CAMK2D: variants seen among roughly 807,000 people sequenced by gnomAD.
CAMK2D encodes calcium/calmodulin-dependent protein kinase type II subunit delta.
CAMK2D carries 37 observed loss-of-function variants against 84.0 expected under a neutral mutation model. The observed-to-expected ratio is 0.44, with a 90% CI of 0.34 to 0.58. The LOEUF is 0.58. Ranked by LOEUF, CAMK2D falls within the 20% of genes least tolerant of loss-of-function variation. The probability of loss-of-function intolerance (pLI) is 0.02; values close to 1 mark genes in which losing one functional copy is unlikely to be tolerated. For missense variants in CAMK2D, 448 were observed against 652.5 expected (o/e 0.69, Z 3.41); for synonymous variants, 202 against 212.5 (o/e 0.95, Z 0.43).
intron 2 of CAMK2D, among the ~76,000 whole-genome samples, chr4:113,672,829 ATAC>A (rs1281611349): frequency 2.6e-5 from 4 of 152,178 alleles, no homozygotes; most frequent in Non-Finnish European, 4.4e-5. Context: ...ATGAAAAAAA[ATAC>A]TACTGAGTCA....
chr4:113,522,328 T>C (rs2098371202), intron 8 of CAMK2D, among the ~76,000 whole-genome samples: 1 of 152,172 alleles, frequency 6.6e-6, no homozygotes, highest in Admixed American at 6.5e-5. Context: ...ATAAGCAAAA[T>C]GCATGTGGAA....
intron 5 of CAMK2D, among the ~76,000 whole-genome samples, chr4:113,549,149 A>C (rs1414477510): frequency 6.6e-6 from 1 of 152,206 alleles, no homozygotes; most frequent in African/African-American, 2.4e-5. Context: ...GTCACAATTA[A>C]ACAGGTGTTG....
chr4:113,621,043 A>G (rs2099043980), intron 3 of CAMK2D, among the ~76,000 whole-genome samples: 1 of 151,948 alleles, frequency 6.6e-6, no homozygotes, highest in African/African-American at 2.4e-5. Context: ...TCATCTTCCC[A>G]TCTCAGCCTT....
intron 4 of CAMK2D, among the ~76,000 whole-genome samples, chr4:113,587,891 GGAAAAGAAGCCAAATATGAT>G (rs1561179463): frequency 6.6e-6 from 1 of 151,962 alleles, no homozygotes; most frequent in Non-Finnish European, 1.5e-5. Context: ...AATAATACTA[GGAAAAGAAGCCAAATATGAT>G]GATGATGTCA....
chr4:113,514,113 G>A (rs749307544), intron 10 of CAMK2D, among the ~76,000 whole-genome samples, 200 bp from the exon 11 acceptor site: 1 of 152,096 alleles, frequency 6.6e-6, no homozygotes, highest in African/African-American at 2.4e-5. Flanking sequence ...CAACACTGAC[G>A]TATAGAAAGT....
chr4:113,484,900 A>C (rs1304777836), intron 16 of CAMK2D, among the ~76,000 whole-genome samples: 1 of 152,142 alleles, frequency 6.6e-6, no homozygotes, highest in Non-Finnish European at 1.5e-5. Context: ...TTCATGTTTG[A>C]TAGAAAACCT....
chr4:113,578,634 C>T (rs1174567723), intron 4 of CAMK2D, among the ~76,000 whole-genome samples: 1 of 152,100 alleles, frequency 6.6e-6, no homozygotes, highest in Non-Finnish European at 1.5e-5. Context: ...TATCTTAAAC[C>T]AGAAATTTTA....
At chr4:113,456,595 C>CA (rs2097306853) in intron 19 of CAMK2D, 1 of 152,154 alleles carries the variant, frequency 6.6e-6, no homozygotes. Flanking sequence ...ATCTTATATA[C>CA]AAAGTGTACT....
At chr4:113,709,781 A>ATATATATATATATATATATATATG (rs1491185734) in intron 2 of CAMK2D, among the ~76,000 whole-genome samples, 2 of 125,322 alleles carry the variant, frequency 1.6e-5, no homozygotes, top group African/African-American at 6.5e-5. Flanking sequence ...ATATATATAT[A>ATATATATATATATATATATATATG]TGAGAGACTT....
chr4:113,720,805 C>G (rs928099830), intron 2 of CAMK2D, among the ~76,000 whole-genome samples: 1 of 152,054 alleles, frequency 6.6e-6, no homozygotes, highest in Non-Finnish European at 1.5e-5. Context: ...ATATGAAATT[C>G]TGTGACAGAA....
intron 2 of CAMK2D, among the ~76,000 whole-genome samples, chr4:113,688,830 C>A (rs113060783): frequency 1.4e-5 from 2 of 144,946 alleles, no homozygotes; most frequent in South Asian, 2.2e-4. Flanking sequence ...TGTTTTCAGT[C>A]TGTCTCAAAA....
chr4:113,673,222 A>G (rs2099300576), intron 2 of CAMK2D, among the ~76,000 whole-genome samples: 1 of 152,224 alleles, frequency 6.6e-6, no homozygotes, highest in South Asian at 2.1e-4. Flanking sequence ...AAAAAAATGC[A>G]TCTCCTGGAG....
chr4:113,753,621 CTT>C (rs1562237799), intron 2 of CAMK2D: 1 of 222,746 alleles, frequency 4.5e-6, no homozygotes, highest in Non-Finnish European at 7.5e-6. Flanking sequence ...AATTTTGTCA[CTT>C]AAGAAACAGC....
At chr4:113,506,777 G>T (rs1025525030) in intron 13 of CAMK2D, among the ~76,000 whole-genome samples, 1 of 152,136 alleles carries the variant, frequency 6.6e-6, no homozygotes, top group Non-Finnish European at 1.5e-5. Flanking sequence ...TCTATTTTGG[G>T]ATATGATACT....
At chr4:113,742,477 A>G (rs1173126068) in intron 2 of CAMK2D, among the ~76,000 whole-genome samples, 2 of 152,162 alleles carry the variant, frequency 1.3e-5, no homozygotes, top group Non-Finnish European at 2.9e-5. Context: ...TGGGCAAAAG[A>G]ATAATAAAGT....
intron 17 of CAMK2D, 113 bp from the exon 18 acceptor site, chr4:113,460,354 A>C (rs1015963348): frequency 4.2e-6 from 3 of 708,104 alleles, no homozygotes; most frequent in Non-Finnish European, 7.5e-6. Flanking sequence ...GCCTCTAAAA[A>C]CACTTACATA....
intron 2 of CAMK2D, among the ~76,000 whole-genome samples, chr4:113,737,623 G>A (rs1230286761): frequency 6.6e-6 from 1 of 152,108 alleles, no homozygotes; most frequent in Non-Finnish European, 1.5e-5. Flanking sequence ...CTTAAAAACA[G>A]TTAAAATGGT....
intron 4 of CAMK2D, among the ~76,000 whole-genome samples, chr4:113,570,025 A>C (rs1436638259): frequency 2.0e-5 from 3 of 152,180 alleles, no homozygotes; most frequent in African/African-American, 7.2e-5. Context: ...TCCAGAAAAC[A>C]ATCTAATTCA....
At chr4:113,493,389 C>T (rs1471235344) in intron 16 of CAMK2D, among the ~76,000 whole-genome samples, 1 of 150,810 alleles carries the variant, frequency 6.6e-6, no homozygotes, top group Non-Finnish European at 1.5e-5. Context: ...TTTTATTTCT[C>T]CTTCACTTAT....
Sources: allele counts gnomAD v4.1 joint callset (sites outside exome capture counted in the v4.1 genomes callset), GRCh38; gene constraint gnomAD v4.1.1; transcripts MANE v1.5; gene names NCBI Gene and HGNC (gene_info 2026-07-23, HGNC 2026-07-21).